AJAP1: variants seen among roughly 807,000 people sequenced by gnomAD.
AJAP1 encodes the protein adherens junctions associated protein 1.
AJAP1 carries 5 observed loss-of-function variants against 35.0 expected under a neutral mutation model. That is an observed-to-expected ratio of 0.14 (90% CI 0.07 to 0.30). AJAP1 has a LOEUF of 0.30. Ranked by LOEUF, AJAP1 falls within the 10% of genes least tolerant of loss-of-function variation. The pLI is 1.00. For synonymous variants in AJAP1, 284 were observed against 249.3 expected (o/e 1.14, Z -1.31); for missense variants, 586 against 571.0 (o/e 1.03, Z -0.27).
At chr1:4,761,716 CA>C (rs1321728880) in intron 2 of AJAP1, among the ~76,000 whole-genome samples, 1 of 152,200 alleles carries the variant, frequency 6.6e-6, no homozygotes, top group Non-Finnish European at 1.5e-5. Flanking sequence ...GCAAGGAAGC[CA>C]GTCTGAGTCC....
At chr1:4,681,862 T>C (rs888987522) in intron 1 of AJAP1, among the ~76,000 whole-genome samples, 6 of 152,132 alleles carry the variant, frequency 3.9e-5, no homozygotes, top group African/African-American at 1.4e-4. Flanking sequence ...TCTCCCCACC[T>C]GCAAAATGAA....
chr1:4,783,653 A>G lies in AJAP1; in HGVS notation c.*1168A>G, dbSNP rs183350753. The G allele has an allele frequency of 2.0e-5, 3 of 150,940 alleles. No homozygotes were observed. The highest frequency in any genetic ancestry group is 6.6e-5 in the Admixed American group (1 of 15,140). The allele number at this position is 150,940 out of a possible 1,614,324, so 9.4% of individuals were successfully genotyped here. A position where few individuals can be genotyped will look rare whatever the true frequency, so the allele number is the denominator to read the frequency against. ...GATGCTACCTAACAGCCACGTTCACATTTACGTAGCTGGTTGCTTACAAAC... is the reference window on the plus strand; with the variant it reads ...GATGCTACCTAACAGCCACGTTCACGTTTACGTAGCTGGTTGCTTACAAAC... On this transcript the variant is annotated 3_prime_UTR_variant, in exon 6 of 6. Transcript: ENST00000378191.
intron 2 of AJAP1, among the ~76,000 whole-genome samples, chr1:4,715,173 C>T (rs1570148123): frequency 6.6e-6 from 1 of 152,172 alleles, no homozygotes; most frequent in Admixed American, 6.5e-5. Flanking sequence ...TTTGGTGGAA[C>T]GTGAACACTA....
chr1:4,704,995 G>A (rs1640069377), intron 1 of AJAP1, among the ~76,000 whole-genome samples: 1 of 152,136 alleles, frequency 6.6e-6, no homozygotes, highest in Non-Finnish European at 1.5e-5. Context: ...CCCACTTTTT[G>A]ATGGGGTTGT....
intron 3 of AJAP1, among the ~76,000 whole-genome samples, chr1:4,771,940 A>G (rs1225373423): frequency 1.3e-5 from 2 of 152,122 alleles, no homozygotes; most frequent in Non-Finnish European, 2.9e-5. Context: ...TATCCCGTCG[A>G]GGCGTTCGTG....
intron 2 of AJAP1, among the ~76,000 whole-genome samples, chr1:4,757,696 C>T (rs61763718): frequency 0.063 from 9,627 of 152,234 alleles, 380 homozygotes; most frequent in Middle Eastern, 0.16. Flanking sequence ...TCCTCATCAC[C>T]CTGGTTTGTA....
At position 4,660,485 on chromosome 1, in the gene AJAP1, G is replaced by A. The variant is rs935290479; in HGVS notation, c.29+5031G>A. Among the ~76,000 whole-genome samples, 23 of 151,928 alleles carry A rather than the reference G, an allele frequency of 1.5e-4. 1 individual carries two copies. The highest frequency in any genetic ancestry group is 1.3e-3 in the Admixed American group (20 of 15,262). On this transcript the variant is annotated intron_variant, in intron 1 of 5. Transcript: ENST00000378191. ...ACCACTGGGGGAATCTCGGTGAGGG[G>A]TACACAGGGTCTCTCTGTATGATGT...
At chr1:4,679,004 T>C (rs1211994148) in intron 1 of AJAP1, among the ~76,000 whole-genome samples, 1 of 152,226 alleles carries the variant, frequency 6.6e-6, no homozygotes, top group Non-Finnish European at 1.5e-5. Flanking sequence ...CTACATAGCA[T>C]GCATTCAAAC....
chr1:4,685,721 G>A (rs935241506), intron 1 of AJAP1, among the ~76,000 whole-genome samples: 2 of 152,238 alleles, frequency 1.3e-5, no homozygotes, highest in Admixed American at 6.5e-5. Context: ...AGGGTGCACC[G>A]TTGGGGGGTC....
intron 2 of AJAP1, among the ~76,000 whole-genome samples, chr1:4,767,375 T>TCACCACCACCAC (rs1641706952): frequency 6.6e-6 from 1 of 151,702 alleles, no homozygotes; most frequent in South Asian, 2.1e-4. Context: ...ATTACCATCG[T>TCACCACCACCAC]CACCATCACC....
Position 4,685,156 on chromosome 1 carries a change from G to A in AJAP1, c.30-26744G>A, listed in dbSNP as rs139789926. 2.7e-4 allele frequency among the ~76,000 whole-genome samples: 41 copies of A among 152,254 alleles called. No individual in the cohort carries two copies. The East Asian group carries it at 6.0e-3, about 22-fold the overall frequency. The stretch of plus-strand genomic sequence containing the variant: ...GCTTTCTCAGCACCAGAAATGCAGC[G>A]ATGGTGCATGGCTGTGTCCACAACC... On this transcript the variant is annotated intron_variant, in intron 1 of 5. Transcript: ENST00000378191.
At chr1:4,733,115 C>T (rs991154395) in intron 2 of AJAP1, among the ~76,000 whole-genome samples, 12 of 152,250 alleles carry the variant, frequency 7.9e-5, no homozygotes, top group African/African-American at 2.9e-4. Flanking sequence ...TGCCCCGCCT[C>T]CAACAAAGTG....
chr1:4,705,517 A>G (rs1277047285), intron 1 of AJAP1, among the ~76,000 whole-genome samples: 1 of 143,500 alleles, frequency 7.0e-6, no homozygotes, highest in Non-Finnish European at 1.5e-5. Context: ...CTGCCTTCCC[A>G]GTGACAGCAC....
At chr1:4,737,167 G>A (rs1277310419) in intron 2 of AJAP1, among the ~76,000 whole-genome samples, 1 of 152,102 alleles carries the variant, frequency 6.6e-6, no homozygotes, top group Non-Finnish European at 1.5e-5. Flanking sequence ...TTTACTATGG[G>A]GCTGTGGATG....
chr1:4,783,967 C>T lies in AJAP1; in HGVS notation c.*1482C>T, dbSNP rs12037089. 16,850 of 152,134 alleles carry T rather than the reference C, an allele frequency of 0.11. 1,270 individuals are homozygous for T. Among genetic ancestry groups the T allele is most frequent in the East Asian group, 0.37 (1,877 of 5,126 alleles). The allele number at this position is 152,134 out of a possible 1,614,324, so 9.4% of individuals were successfully genotyped here. On this transcript the variant is annotated 3_prime_UTR_variant, in exon 6 of 6. Transcript: ENST00000378191. ...CTTGCGCAGGTGGGCAGGTGTGGCC[C>T]GCTTTTTCTAGGGCCCAAGGGTGAC...
intron 2 of AJAP1, among the ~76,000 whole-genome samples, chr1:4,741,142 G>A (rs763556744): frequency 1.1e-4 from 16 of 152,134 alleles, no homozygotes; most frequent in Non-Finnish European, 2.2e-4. Context: ...ACAGAAAACG[G>A]GAGCTAGGTT....
At chr1:4,690,535 C>T (rs1165805554) in intron 1 of AJAP1, among the ~76,000 whole-genome samples, 2 of 152,200 alleles carry the variant, frequency 1.3e-5, no homozygotes, top group Non-Finnish European at 2.9e-5. Context: ...CGCCTCTTGG[C>T]TGGTGGTTGC....
intron 2 of AJAP1, among the ~76,000 whole-genome samples, chr1:4,727,808 C>G (rs1265836453): frequency 6.6e-6 from 1 of 152,206 alleles, no homozygotes; most frequent in African/African-American, 2.4e-5. Context: ...TAGCGGGTGT[C>G]CAGGAAGTGA....
chr1:4,661,313 G>C (rs1426903408), intron 1 of AJAP1, among the ~76,000 whole-genome samples: 10 of 152,208 alleles, frequency 6.6e-5, no homozygotes, highest in African/African-American at 2.4e-4. Flanking sequence ...CCTAAGCCAG[G>C]CTTTGTGCTA....
Sources: allele counts gnomAD v4.1 joint callset (sites outside exome capture counted in the v4.1 genomes callset), GRCh38; gene constraint gnomAD v4.1.1; transcripts MANE v1.5; gene names NCBI Gene and HGNC (gene_info 2026-07-23, HGNC 2026-07-21).